Variants in GPC6 observed in about 807,000 individuals in gnomAD.
GPC6 encodes the protein glypican 6.
In GPC6, 14 loss-of-function variants were observed where a neutral mutation model predicts 55.2. The observed-to-expected ratio is 0.25, with a 90% CI of 0.17 to 0.40. The LOEUF (loss-of-function observed/expected upper bound fraction) is 0.40, where lower values mean the gene tolerates loss of function less well. Among genes scored for constraint, GPC6 ranks in the 10% least tolerant of loss-of-function variants. GPC6 has a pLI of 1.00. For missense variants in GPC6, 641 were observed against 708.5 expected, an observed-to-expected ratio of 0.90 and a Z score of 1.08; for synonymous variants, 278 against 259.6, an observed-to-expected ratio of 1.07 and a Z score of -0.68.
intron 4 of GPC6, among the ~76,000 whole-genome samples, chr13:94,217,685 A>G (rs1325426354): frequency 6.6e-6 from 1 of 152,234 alleles, no homozygotes; most frequent in Non-Finnish European, 1.5e-5. Context: ...AGAACAAAGC[A>G]TGTCTACTGT....
At position 93,545,510 on chromosome 13, in the gene GPC6, G is replaced by C. The variant is rs908921053; in HGVS notation, c.319+89G>C. Reference sequence around the variant, plus strand: ...CATATGAAAAATATTTTTTTAAAAAGGGAGCTTTTCTATCCCTCTTAAATA... The same window carrying C: ...CATATGAAAAATATTTTTTTAAAAACGGAGCTTTTCTATCCCTCTTAAATA... On this transcript the variant is annotated intron_variant, in intron 2 of 8. Transcript: ENST00000377047. The C allele has an allele frequency of 3.5e-6, 4 of 1,145,136 alleles. No homozygotes were observed. The African/African-American group carries it at 6.1e-5, about 17-fold the overall frequency. 70.9% of individuals were successfully genotyped at this position (1,145,136 alleles called of 1,614,324 possible). A position where few individuals can be genotyped will look rare whatever the true frequency, so the allele number is the denominator to read the frequency against.
chr13:93,821,129 A>G (rs548086404), intron 2 of GPC6, among the ~76,000 whole-genome samples: 1 of 152,324 alleles, frequency 6.6e-6, no homozygotes, highest in Admixed American at 6.5e-5. Flanking sequence ...GTAAAGGACT[A>G]GATATTAAAT....
intron 3 of GPC6, among the ~76,000 whole-genome samples, chr13:93,890,522 C>T (rs1455911812): frequency 2.6e-5 from 4 of 151,846 alleles, no homozygotes; most frequent in African/African-American, 4.8e-5. Flanking sequence ...TTGTTGTTAT[C>T]GAAAGGGGCA....
chr13:93,665,546 T>A (rs1881097092), intron 2 of GPC6, among the ~76,000 whole-genome samples: 1 of 152,174 alleles, frequency 6.6e-6, no homozygotes, highest in Non-Finnish European at 1.5e-5. Flanking sequence ...TCTTAGTGTT[T>A]ATATTGTAAG....
At chr13:93,793,401 A>AAAAC (rs538060900) in intron 2 of GPC6, among the ~76,000 whole-genome samples, 37 of 152,304 alleles carry the variant, frequency 2.4e-4, no homozygotes, top group African/African-American at 6.7e-4. Flanking sequence ...GAAAACCTAA[A>AAAAC]AAACAAACAA....
intron 2 of GPC6, among the ~76,000 whole-genome samples, chr13:93,728,243 G>T (rs1594406186): frequency 6.6e-6 from 1 of 151,480 alleles, no homozygotes; most frequent in South Asian, 2.1e-4. Flanking sequence ...TTGAGACAGG[G>T]TCTTTCTCTG....
At chr13:94,267,177 T>A (rs1364045978) in intron 4 of GPC6, among the ~76,000 whole-genome samples, 2 of 152,076 alleles carry the variant, frequency 1.3e-5, no homozygotes, top group Non-Finnish European at 2.9e-5. Context: ...AGCAGATGAC[T>A]TAGGAGAAAT....
chr13:94,248,063 C>CA (rs1891249635), intron 4 of GPC6, among the ~76,000 whole-genome samples: 1 of 152,112 alleles, frequency 6.6e-6, no homozygotes, highest in African/African-American at 2.4e-5. Flanking sequence ...ATGCTGGCCT[C>CA]AAAAAATGTG....
chr13:93,994,284 G>T (rs1594650467), intron 3 of GPC6, among the ~76,000 whole-genome samples: 1 of 152,040 alleles, frequency 6.6e-6, no homozygotes, highest in African/African-American at 2.4e-5. Context: ...ATAACCTCTT[G>T]CTCTGGGAAT....
At chr13:94,052,686 T>G (rs1469257055) in intron 4 of GPC6, among the ~76,000 whole-genome samples, 2 of 152,188 alleles carry the variant, frequency 1.3e-5, no homozygotes, top group East Asian at 3.8e-4. Flanking sequence ...TTTCATTTGT[T>G]TCATTTTTCC....
At chr13:93,514,591 A>G (rs1881113120) in intron 1 of GPC6, among the ~76,000 whole-genome samples, 1 of 152,218 alleles carries the variant, frequency 6.6e-6, no homozygotes, top group Non-Finnish European at 1.5e-5. Flanking sequence ...AACTACTCCC[A>G]CATATACAGA....
At chr13:93,597,567 A>G (rs1286138949) in intron 2 of GPC6, among the ~76,000 whole-genome samples, 1 of 151,764 alleles carries the variant, frequency 6.6e-6, no homozygotes, top group East Asian at 1.9e-4. Flanking sequence ...TCAAACACCA[A>G]TTTTCTTCCA....
intron 3 of GPC6, among the ~76,000 whole-genome samples, chr13:93,856,131 G>C (rs575553672): frequency 6.6e-6 from 1 of 151,364 alleles, no homozygotes; most frequent in South Asian, 2.1e-4. Context: ...CAGCATTCTT[G>C]CACTGCCATC....
intron 3 of GPC6, among the ~76,000 whole-genome samples, chr13:93,909,594 T>C (rs1367474156): frequency 6.6e-6 from 1 of 152,200 alleles, no homozygotes; most frequent in African/African-American, 2.4e-5. Context: ...TCCTTCTATC[T>C]GATCAAGCCC....
At chr13:93,792,634 T>C (rs1416182085) in intron 2 of GPC6, among the ~76,000 whole-genome samples, 3 of 152,190 alleles carry the variant, frequency 2.0e-5, no homozygotes, top group African/African-American at 7.2e-5. Context: ...TTTTAATTGC[T>C]TCCCACATGC....
intron 1 of GPC6, among the ~76,000 whole-genome samples, chr13:93,533,455 A>G (rs1185290481): frequency 6.6e-6 from 1 of 152,188 alleles, no homozygotes. Context: ...GAATGATGAG[A>G]ACACTGTTGC....
At chr13:94,357,086 A>T (rs1325900294) in intron 6 of GPC6, among the ~76,000 whole-genome samples, 2 of 151,976 alleles carry the variant, frequency 1.3e-5, no homozygotes, top group African/African-American at 4.8e-5. Flanking sequence ...ATCCTTCTGG[A>T]CCCCACCTGG....
intron 4 of GPC6, chr13:94,186,795 T>C (rs1025018391): frequency 1.4e-4 from 21 of 152,228 alleles, no homozygotes; most frequent in Admixed American, 5.2e-4. Flanking sequence ...AAGCTACTAG[T>C]AGAATTATAC....
chr13:93,914,600 A>C (rs1877194084), intron 3 of GPC6, among the ~76,000 whole-genome samples: 1 of 152,230 alleles, frequency 6.6e-6, no homozygotes, highest in Non-Finnish European at 1.5e-5. Context: ...TTCCCAAATA[A>C]AGCACTGACC....
Sources: gnomAD v4.1 joint callset for allele counts (sites outside exome capture counted in the v4.1 genomes callset) on GRCh38, gnomAD v4.1.1 for gene constraint, MANE v1.5 for transcripts, NCBI Gene and HGNC (gene_info 2026-07-23, HGNC 2026-07-21) for gene names.